Variants in RELL1 observed in about 807,000 individuals in gnomAD.
RELL1 encodes the protein RELT-like protein 1.
A neutral mutation model predicts 23.0 loss-of-function variants in RELL1; 10 were observed. The observed-to-expected ratio is 0.43, with a 90% CI of 0.27 to 0.74. The LOEUF (loss-of-function observed/expected upper bound fraction) is 0.74. Ranked by LOEUF, RELL1 falls within the 30% of genes least tolerant of loss-of-function variation. The pLI, the probability that RELL1 is intolerant of heterozygous loss-of-function variation, is 0.19. For synonymous variants in RELL1, 146 were observed against 146.8 expected (o/e 0.99, Z 0.04); for missense variants, 315 against 364.4 (o/e 0.86, Z 1.10).
chr4:37,590,665 A>T (rs758238939), downstream of RELL1: 15 of 1,613,994 alleles, frequency 9.3e-6, no homozygotes, highest in African/African-American at 1.3e-5. Context: ...TCATAATGAA[A>T]AGGACTGTGT....
At chr4:37,681,867 AGGCTTGGTG>A (rs970292519) in intron 1 of RELL1, among the ~76,000 whole-genome samples, 1 of 152,146 alleles carries the variant, frequency 6.6e-6, no homozygotes, top group African/African-American at 2.4e-5. Context: ...CCCTGACTTA[AGGCTTGGTG>A]CTCTTTCCAC....
Position 37,673,389 on chromosome 4 carries a change from G to C in RELL1, c.88+12811C>G, listed in dbSNP as rs188390538. Among the ~76,000 whole-genome samples, 65 of 151,502 alleles carry C rather than the reference G, an allele frequency of 4.3e-4. No homozygotes were observed. The East Asian group carries it at 0.01, about 24-fold the overall frequency. The stretch of plus-strand genomic sequence containing the variant: ...CCTATTTTTGTAGAGACGGGGTCTT[G>C]CTATGGTTTTCGGGCTGGTCCTGAA... On this transcript the variant is annotated intron_variant, in intron 1 of 6. Coordinates refer to ENST00000454158, the MANE Select transcript of RELL1 (RefSeq NM_001085400.2).
rs35118296 is a variant in RELL1 at position 37,624,418 on chromosome 4, C to CTT, written c.*3+6965_*3+6966dup. Among the ~76,000 whole-genome samples, 17 of 111,316 alleles carry CTT rather than the reference C, an allele frequency of 1.5e-4. No homozygotes were observed. In the East Asian group the frequency reaches 2.6e-3, roughly 17 times the overall value. The allele number at this position is 111,316 out of a possible 152,430, so 73.0% of individuals were successfully genotyped here. Reference sequence around the variant, plus strand: ...GAAGGAAATGGTTCTTTCTTTCTTTCTTTTTTTTTTTTTTTTTTTGAGGCA... The same window carrying CTT: ...GAAGGAAATGGTTCTTTCTTTCTTTCTTTTTTTTTTTTTTTTTTTTTGAGGCA... On this transcript the variant is annotated intron_variant, in intron 6 of 6. Transcript: ENST00000454158.
At chr4:37,670,425 G>A (rs1265930410) in intron 1 of RELL1, among the ~76,000 whole-genome samples, 1 of 152,144 alleles carries the variant, frequency 6.6e-6, no homozygotes, top group Non-Finnish European at 1.5e-5. Flanking sequence ...CAGAGACAGT[G>A]CTATGAAATC....
At chr4:37,589,651 C>G (rs1718495864), downstream of RELL1, among the ~76,000 whole-genome samples, 1 of 152,092 alleles carries the variant, frequency 6.6e-6, no homozygotes, top group African/African-American at 2.4e-5. Context: ...TTATCTTTTT[C>G]AAGACTGTCT....
At chr4:37,635,383 T>A (rs1340681331) in intron 4 of RELL1, among the ~76,000 whole-genome samples, 1 of 152,138 alleles carries the variant, frequency 6.6e-6, no homozygotes, top group African/African-American at 2.4e-5. Flanking sequence ...CCCAGCATTT[T>A]GAGAGGCCAA....
intron 3 of RELL1, 67 bp from the exon 4 acceptor site, chr4:37,638,571 AG>A: frequency 1.6e-6 from 2 of 1,255,542 alleles, no homozygotes; most frequent in Non-Finnish European, 2.3e-6. Flanking sequence ...ACATCAGAAA[AG>A]CTGTTGAAAA....
chr4:37,615,359 TG>T (rs1274421187), intron 6 of RELL1, among the ~76,000 whole-genome samples: 4 of 152,258 alleles, frequency 2.6e-5, no homozygotes, highest in African/African-American at 9.6e-5. Flanking sequence ...CTTGCAGTTC[TG>T]GTCTCTAATT....
intron 6 of RELL1, among the ~76,000 whole-genome samples, chr4:37,604,531 T>TA (rs1719101308): frequency 2.1e-5 from 3 of 143,488 alleles, no homozygotes; most frequent in Non-Finnish European, 3.1e-5. Flanking sequence ...ACACGCACAC[T>TA]CCAAATCAGA....
chr4:37,593,110 T>C (rs1412565800), intron 6 of RELL1, among the ~76,000 whole-genome samples: 1 of 152,240 alleles, frequency 6.6e-6, no homozygotes. Context: ...CTTGGCATTG[T>C]TAATTGCATT....
Position 37,611,244 on chromosome 4 carries a change from C to A in RELL1, c.*2102G>T, listed in dbSNP as rs1400685387. ...ATTTGTTTTTAATTAAAATGATTAG[C>A]CTAGACTGCACATATATTATTTACA... On this transcript the variant is annotated 3_prime_UTR_variant, in exon 7 of 7. Transcript: ENST00000454158. 2.6e-5 allele frequency among the ~76,000 whole-genome samples: 4 copies of A among 152,096 alleles called. No homozygotes were observed. The highest frequency in any genetic ancestry group is 5.9e-5 in the Non-Finnish European group (4 of 68,008).
intron 6 of RELL1, among the ~76,000 whole-genome samples, chr4:37,599,326 T>G (rs780772950): frequency 6.3e-4 from 96 of 152,124 alleles, no homozygotes; most frequent in Non-Finnish European, 1.1e-3. Flanking sequence ...TCTGTCTCCC[T>G]GAGGAGTTTG....
chr4:37,665,945 T>A (rs547430299), intron 1 of RELL1, among the ~76,000 whole-genome samples: 1 of 152,180 alleles, frequency 6.6e-6, no homozygotes, highest in Non-Finnish European at 1.5e-5. Flanking sequence ...CTGAGCTGGC[T>A]GGAGGGAAGC....
At chr4:37,668,388 G>C (rs976001112) in intron 1 of RELL1, among the ~76,000 whole-genome samples, 3 of 152,132 alleles carry the variant, frequency 2.0e-5, no homozygotes, top group Non-Finnish European at 4.4e-5. Context: ...ACTGGTTTTC[G>C]TATTTTTTGG....
intron 6 of RELL1, chr4:37,622,799 C>CTT (rs763432060): frequency 0.018 from 6,993 of 388,158 alleles, 2 homozygotes; most frequent in South Asian, 0.033. Flanking sequence ...TCAAGTAATG[C>CTT]TTTTTTTTTT....
chr4:37,619,243 CGCA>C, intron 6 of RELL1, among the ~76,000 whole-genome samples: 1 of 144,284 alleles, frequency 6.9e-6, no homozygotes, highest in Non-Finnish European at 1.5e-5. Context: ...AGTGCAGTGG[CGCA>C]ATCTCGGCTC....
intron 1 of RELL1, 107 bp downstream of exon 1, chr4:37,686,093 G>A (rs1447368145): frequency 5.2e-6 from 5 of 963,762 alleles, no homozygotes; most frequent in Non-Finnish European, 1.5e-6. Flanking sequence ...CCGCGGCTGT[G>A]CCAGAAAGCA....
In RELL1 at chr4:37,623,072, AGATTACAG is replaced by A. The variant is rs1418822827; in HGVS notation, c.*3+8305_*3+8312del. The A allele has an allele frequency of 9.0e-6, 3 of 334,736 alleles. No homozygotes were observed. In the East Asian group the frequency reaches 2.6e-4, roughly 29 times the overall value. The allele number at this position is 334,736 out of a possible 1,614,324, so 20.7% of individuals were successfully genotyped here. On this transcript the variant is annotated intron_variant, in intron 6 of 6. Coordinates refer to ENST00000454158, the MANE Select transcript of RELL1 (RefSeq NM_001085400.2). ...CCCACCTTGGCCTCCCAAAGTGCTG[AGATTACAG>A]GTGTGAGCCACCGCACCCGGCCAAG...
In RELL1 at chr4:37,611,280, C is replaced by T. The variant is rs148059948; in HGVS notation, c.*2066G>A. 2.3e-4 allele frequency among the ~76,000 whole-genome samples: 35 copies of T among 152,264 alleles called. No individual in the cohort carries two copies. Among genetic ancestry groups the T allele is most frequent in the African/African-American group, 7.5e-4 (31 of 41,560 alleles). On this transcript the variant is annotated 3_prime_UTR_variant, in exon 7 of 7. Coordinates refer to ENST00000454158, the MANE Select transcript of RELL1 (RefSeq NM_001085400.2). ...CATATATTATTTACACTAATACATA[C>T]CCCTAAAAGTCCTATATTGCTACTT...
Sources: gnomAD v4.1 joint callset for allele counts (sites outside exome capture counted in the v4.1 genomes callset) on GRCh38, gnomAD v4.1.1 for gene constraint, MANE v1.5 for transcripts, NCBI Gene and HGNC (gene_info 2026-07-23, HGNC 2026-07-21) for gene names.